The following MYL12A variants were observed in gnomAD, a reference collection of about 807,000 sequenced individuals.
The protein encoded by MYL12A is myosin light chain 12A.
Under a neutral mutation model 13.3 loss-of-function variants are expected in MYL12A, and 11 were observed. That is an observed-to-expected ratio of 0.83 (90% CI 0.52 to 1.37). MYL12A has a LOEUF of 1.37. Ranked by LOEUF, MYL12A falls within the 40% of genes most tolerant of loss-of-function variation. The pLI is 0.00. For missense variants in MYL12A, 146 were observed against 212.3 expected (o/e 0.69, Z 1.94); for synonymous variants, 51 against 69.9 (o/e 0.73, Z 1.35).
intron 2 of MYL12A, 107 bp from the exon 3 acceptor site, chr18:3,253,782 C>T (rs1442763522): frequency 1.5e-5 from 19 of 1,255,902 alleles, no homozygotes; most frequent in African/African-American, 7.7e-5. Context: ...TGAGTGCAAA[C>T]AGTAAACTGT....
rs148972811 is a variant in MYL12A at position 3,252,052 on chromosome 18, CATTCTT to C, written c.-15-1179_-15-1174del. ...TTACTTTTTAAACACATCGGAAACA[CATTCTT>C]AGGGTCACTTTGGAGTGCTGAGATC... On this transcript the variant is annotated intron_variant, in intron 1 of 3. Transcript: ENST00000217652. Among the ~76,000 whole-genome samples, 469 of 152,262 alleles carry C rather than the reference CATTCTT, an allele frequency of 3.1e-3. 16 individuals are homozygous for C. In the East Asian group the frequency reaches 0.078, roughly 25 times the overall value.
chr18:3,256,124 C>G lies in MYL12A; in HGVS notation c.*206C>G, dbSNP rs181187062. 4 of 635,458 alleles carry G rather than the reference C, an allele frequency of 6.3e-6. No individual in the cohort carries two copies. In the Admixed American group the frequency reaches 9.8e-5, roughly 15 times the overall value. 39.4% of individuals were successfully genotyped at this position (635,458 alleles called of 1,614,324 possible). A position where few individuals can be genotyped will look rare whatever the true frequency, so the allele number is the denominator to read the frequency against. Reference sequence around the variant, plus strand: ...AGAATAAAAAATAGGATAATTTAACCTACCAGCCCTTCTCCCCCAATAACT... The same window carrying G: ...AGAATAAAAAATAGGATAATTTAACGTACCAGCCCTTCTCCCCCAATAACT... On this transcript the variant is annotated 3_prime_UTR_variant, in exon 4 of 4. Coordinates refer to ENST00000217652, the MANE Select transcript of MYL12A (RefSeq NM_006471.4).
At chr18:3,252,989 T>C (rs2081501248) in intron 1 of MYL12A, among the ~76,000 whole-genome samples, 1 of 151,164 alleles carries the variant, frequency 6.6e-6, no homozygotes, top group African/African-American at 2.4e-5. Context: ...ACCTAATTTT[T>C]TTTGCTTCTT....
intron 3 of MYL12A, among the ~76,000 whole-genome samples, chr18:3,254,836 G>T (rs1308722350): frequency 1.3e-5 from 2 of 152,246 alleles, no homozygotes; most frequent in Non-Finnish European, 2.9e-5. Context: ...GTGAAGGAAG[G>T]CACAATCTTT....
rs2081532724 is a variant in MYL12A, at chr18:3,255,910, G to T, written c.508G>T (p.Asp170Tyr). ...CCTGAAACATGGAGCCAAAGACAAAGATGACTGAAATAACTTCAAATTCCA... is the reference window on the plus strand; with the variant it reads ...CCTGAAACATGGAGCCAAAGACAAATATGACTGAAATAACTTCAAATTCCA... ...RILKHGAKDK[D>Y]D The change falls in exon 4 of 4, where the codon GAT (aspartate) becomes TAT (tyrosine). Residue 170 changes from aspartate (D) to tyrosine (Y), a missense_variant. Physicochemically the swap from Asp to Tyr is radical, Grantham distance 160 (BLOSUM62 -3). Transcript: ENST00000217652. The T allele has an allele frequency of 6.2e-7, 1 of 1,613,066 alleles. No individual in the cohort carries two copies. Among genetic ancestry groups the T allele is most frequent in the Non-Finnish European group, 8.5e-7 (1 of 1,179,778 alleles).
intron 3 of MYL12A, among the ~76,000 whole-genome samples, chr18:3,254,676 TA>T (rs1421994788): frequency 6.6e-6 from 1 of 152,232 alleles, no homozygotes; most frequent in African/African-American, 2.4e-5. Context: ...GTACTTAGCA[TA>T]CTGTGTGGCA....
intron 1 of MYL12A, chr18:3,252,584 C>A: frequency 1.3e-6 from 1 of 761,406 alleles, no homozygotes; most frequent in Non-Finnish European, 1.8e-6. Flanking sequence ...ATCTTAGATA[C>A]TTCCAGTGAT....
At chr18:3,254,158 C>CT in intron 3 of MYL12A, 108 bp downstream of exon 3, 1 of 1,273,466 alleles carries the variant, frequency 7.9e-7, no homozygotes, top group Non-Finnish European at 1.1e-6. Flanking sequence ...TGTACTACAC[C>CT]TATTTTTTTA....
At chr18:3,250,192 A>G (rs1020815326) in intron 1 of MYL12A, among the ~76,000 whole-genome samples, 2 of 152,244 alleles carry the variant, frequency 1.3e-5, no homozygotes, top group African/African-American at 4.8e-5. Context: ...CACGTTGTGC[A>G]CATGTACCCT....
intron 3 of MYL12A, 61 bp downstream of exon 3, chr18:3,254,111 T>C: frequency 6.5e-7 from 1 of 1,536,600 alleles, no homozygotes; most frequent in Non-Finnish European, 8.9e-7. Flanking sequence ...GTAACTAAAA[T>C]ATACAGTAAC....
chr18:3,251,051 A>C (rs2081480151), intron 1 of MYL12A, among the ~76,000 whole-genome samples: 1 of 151,962 alleles, frequency 6.6e-6, no homozygotes, highest in East Asian at 1.9e-4. Context: ...GATACATATT[A>C]GTTTAATTAA....
chr18:3,254,159 T>A, intron 3 of MYL12A, 109 bp downstream of exon 3: 1 of 1,257,920 alleles, frequency 7.9e-7, no homozygotes, highest in Non-Finnish European at 1.1e-6. Context: ...GTACTACACC[T>A]ATTTTTTTAG....
intron 2 of MYL12A, 154 bp from the exon 3 acceptor site, chr18:3,253,735 A>G: frequency 1.2e-6 from 1 of 854,394 alleles, no homozygotes; most frequent in Non-Finnish European, 1.8e-6. Context: ...GGCCCTATTC[A>G]TTAAGAAAAC....
rs529272124 is a variant in MYL12A, at chr18:3,251,955, G to T, written c.-15-1278G>T. Among the ~76,000 whole-genome samples, 11 of 152,278 alleles carry T rather than the reference G, an allele frequency of 7.2e-5. No homozygotes were observed. In the South Asian group the frequency reaches 2.3e-3, roughly 32 times the overall value. On this transcript the variant is annotated intron_variant, in intron 1 of 3. Coordinates refer to ENST00000217652, the MANE Select transcript of MYL12A (RefSeq NM_006471.4). ...TTAGCTTTAAAAAATTTGAGGCAGAGCTTTTCTAATCATTCCATAATTGTA... is the reference window on the plus strand; with the variant it reads ...TTAGCTTTAAAAAATTTGAGGCAGATCTTTTCTAATCATTCCATAATTGTA...
intron 1 of MYL12A, among the ~76,000 whole-genome samples, chr18:3,248,854 A>G (rs192991571): frequency 6.2e-4 from 94 of 152,290 alleles, no homozygotes; most frequent in African/African-American, 2.2e-3. Context: ...GTTTACTTGG[A>G]ACGGAAGCAC....
intron 1 of MYL12A, chr18:3,249,820 T>C (rs934665479): frequency 2.0e-5 from 3 of 151,958 alleles, no homozygotes; most frequent in Admixed American, 6.6e-5. Context: ...AGGCAGAGAA[T>C]TGCTTGAACC....
intron 1 of MYL12A, chr18:3,248,121 G>A (rs544638747): frequency 6.6e-6 from 1 of 152,368 alleles, no homozygotes; most frequent in Non-Finnish European, 1.5e-5. Context: ...TGGAAATGTG[G>A]CTTCGCTCAC....
chr18:3,249,187 A>G (rs1250096254), intron 1 of MYL12A, among the ~76,000 whole-genome samples: 1 of 152,236 alleles, frequency 6.6e-6, no homozygotes, highest in East Asian at 1.9e-4. Flanking sequence ...TCTAATGTAT[A>G]TATTGGTATG....
At chr18:3,252,544 A>G (rs762851867) in intron 1 of MYL12A, 10 of 1,098,612 alleles carry the variant, frequency 9.1e-6, no homozygotes, top group Non-Finnish European at 1.2e-5. Context: ...AAATTATTTT[A>G]AAAGCTTGTG....
Sources: allele counts gnomAD v4.1 joint callset (sites outside exome capture counted in the v4.1 genomes callset), GRCh38; gene constraint gnomAD v4.1.1; transcripts MANE v1.5; gene names NCBI Gene and HGNC (gene_info 2026-07-23, HGNC 2026-07-21).